The following ZNF540 variants were observed in gnomAD, a reference collection of about 807,000 sequenced individuals.
The protein encoded by ZNF540 is zinc finger protein 540.
Under a neutral mutation model 11.8 loss-of-function variants are expected in ZNF540, and 3 were observed. That is an observed-to-expected ratio of 0.25 (90% confidence interval 0.12 to 0.65). ZNF540 has a LOEUF of 0.65. ZNF540 is among the 30% of genes least tolerant of loss of function. The pLI is 0.83. For missense variants in ZNF540, 709 were observed against 793.1 expected (o/e 0.89, Z 1.27); for synonymous variants, 247 against 259.0 (o/e 0.95, Z 0.45).
At position 37,568,887 on chromosome 19, in the gene ZNF540, A is replaced by G. The variant is rs1220567572; in HGVS notation, c.-73+17222A>G. Among the ~76,000 whole-genome samples the G allele has an allele frequency of 2.6e-5, 4 of 151,980 alleles. No individual in the cohort carries two copies. In the East Asian group the frequency reaches 7.7e-4, roughly 29 times the overall value. ...TTGCCCCCATCAAGTCCTACTGAAT[A>G]TATCTCCTAAGTAGCTCTCGAATCT... On this transcript the variant is annotated intron_variant, in intron 1 of 4. Transcript: ENST00000592533.
At chr19:37,565,274 T>C (rs979569706) in intron 1 of ZNF540, 1 of 1,611,120 alleles carries the variant, frequency 6.2e-7, no homozygotes, top group African/African-American at 1.3e-5. Flanking sequence ...CTCACCTGAA[T>C]GAACTCTCAG....
chr19:37,580,620 G>A (rs1408253429), intron 1 of ZNF540, among the ~76,000 whole-genome samples: 3 of 152,158 alleles, frequency 2.0e-5, no homozygotes, highest in African/African-American at 7.2e-5. Context: ...CATGGGGGCT[G>A]GTCCCCGAGA....
chr19:37,604,617 T>C (rs1449447963), intron 4 of ZNF540, among the ~76,000 whole-genome samples: 2 of 151,940 alleles, frequency 1.3e-5, no homozygotes, highest in Non-Finnish European at 2.9e-5. Flanking sequence ...AGCCTTACTA[T>C]TTTTTTTCAA....
Position 37,612,430 on chromosome 19 carries a change from G to A in ZNF540, c.1150G>A (p.Glu384Lys), listed in dbSNP as rs2147236076. ...AACTCATGCAGGTAAGAAACCTTAT[G>A]AATGTAAGGAGTGTGGGAAATCATT... ...RRTHAGKKPY[E>K]CKECGKSFNV... The change falls in exon 5 of 5, where the codon GAA becomes AAA. Residue 384 changes from glutamate (E) to lysine (K), a missense_variant. Physicochemically the swap from Glu to Lys is moderately conservative, Grantham distance 56 (BLOSUM62 1). Coordinates refer to ENST00000316433, the MANE Select transcript of ZNF540 (RefSeq NM_001172225.3). 1.9e-6 allele frequency: 3 copies of A among 1,614,036 alleles called. No homozygotes were observed. The highest frequency in any genetic ancestry group is 2.2e-5 in the East Asian group (1 of 44,862).
intron 1 of ZNF540, chr19:37,586,699 T>C (rs2043686166): frequency 6.2e-7 from 1 of 1,613,972 alleles, no homozygotes; most frequent in South Asian, 1.1e-5. Context: ...CTGATCAATT[T>C]TCTGGGTTCT....
intron 1 of ZNF540, among the ~76,000 whole-genome samples, chr19:37,577,155 CAG>C (rs1407640166): frequency 6.6e-6 from 1 of 152,064 alleles, no homozygotes; most frequent in African/African-American, 2.4e-5. Context: ...AAATTAAGAA[CAG>C]AGAGCTTAAT....
chr19:37,581,122 A>AC (rs2043442446), intron 1 of ZNF540, among the ~76,000 whole-genome samples: 1 of 152,124 alleles, frequency 6.6e-6, no homozygotes, highest in Admixed American at 6.5e-5. Context: ...AAAACGTGAG[A>AC]CCCCCTTGGG....
chr19:37,566,184 G>A, intron 1 of ZNF540: 1 of 1,613,962 alleles, frequency 6.2e-7, no homozygotes, highest in South Asian at 1.1e-5. Flanking sequence ...CCATTGTATT[G>A]AAGGTGATGG....
chr19:37,612,457 A>C lies in ZNF540; in HGVS notation c.1177A>C (p.Asn393His). 6.2e-7 allele frequency: 1 copy of C among 1,614,186 alleles called. No individual in the cohort carries two copies. Among genetic ancestry groups the C allele is most frequent in the African/African-American group, 1.3e-5 (1 of 75,046 alleles). ...YECKECGKSFNVRGQLNRHKT... is the reference protein window; with the variant it reads ...YECKECGKSFHVRGQLNRHKT... ...ATGTAAGGAGTGTGGGAAATCATTT[A>C]ATGTGCGTGGACAGCTTAATCGGCA... Residue 393 changes from asparagine (N) to histidine (H), a missense_variant, in exon 5 of 5, where the codon AAT (asparagine) becomes CAT (histidine). Physicochemically the swap from Asn to His is moderately conservative, Grantham distance 68. Coordinates refer to ENST00000316433, the MANE Select transcript of ZNF540 (RefSeq NM_001172225.3).
intron 1 of ZNF540, chr19:37,565,420 T>C (rs1301070942): frequency 1.2e-6 from 2 of 1,613,268 alleles, no homozygotes; most frequent in Non-Finnish European, 1.7e-6. Flanking sequence ...ATTCTTTACA[T>C]ATGTAAGGCT....
At chr19:37,561,048 C>CAAAAAAAAAAAAAAAAAAAAAAAAAAAAA (rs199892724) in intron 1 of ZNF540, among the ~76,000 whole-genome samples, 1 of 73,784 alleles carries the variant, frequency 1.4e-5, no homozygotes, top group African/African-American at 4.6e-5. Flanking sequence ...CCTGTCTCTA[C>CAAAAAAAAAAAAAAAAAAAAAAAAAAAAA]AAAAAAAAAA....
intron 4 of ZNF540, among the ~76,000 whole-genome samples, chr19:37,602,610 G>A (rs1364383007): frequency 1.3e-5 from 2 of 152,170 alleles, no homozygotes; most frequent in African/African-American, 4.8e-5. Flanking sequence ...AATGAAGGGA[G>A]CCAGAGGAGA....
intron 1 of ZNF540, among the ~76,000 whole-genome samples, chr19:37,596,168 G>A (rs1242358746): frequency 6.6e-6 from 1 of 152,160 alleles, no homozygotes; most frequent in African/African-American, 2.4e-5. Context: ...ATCACCTCGA[G>A]GATCTGTTGT....
chr19:37,553,115 T>C (rs993265741), intron 1 of ZNF540, among the ~76,000 whole-genome samples: 1 of 8,168 alleles, frequency 1.2e-4, no homozygotes, highest in Non-Finnish European at 2.5e-4. Flanking sequence ...CCTAACATCT[T>C]TTTTTTTTTT....
intron 1 of ZNF540, among the ~76,000 whole-genome samples, chr19:37,558,208 C>T (rs986401468): frequency 1.3e-5 from 2 of 152,206 alleles, no homozygotes; most frequent in Admixed American, 6.5e-5. Context: ...GCTTTATCAG[C>T]AGCCTTTTCA....
At chr19:37,557,006 A>G (rs2147137981) in intron 1 of ZNF540, among the ~76,000 whole-genome samples, 1 of 152,342 alleles carries the variant, frequency 6.6e-6, no homozygotes, top group South Asian at 2.1e-4. Context: ...GTCCATTATC[A>G]GACCCTATGG....
chr19:37,552,815 C>T (rs965436493), intron 1 of ZNF540, among the ~76,000 whole-genome samples: 22 of 151,870 alleles, frequency 1.4e-4, no homozygotes, highest in African/African-American at 4.8e-4. Context: ...AGTGTGGTGG[C>T]GTGCGCCTGT....
rs749212111 is a variant in ZNF540, at chr19:37,612,315, T to C, written c.1035T>C (p.His345=). 6.2e-7 allele frequency: 1 copy of C among 1,614,058 alleles called. No homozygotes were observed. Among genetic ancestry groups the C allele is most frequent in the East Asian group, 2.2e-5 (1 of 44,868 alleles). The change falls in exon 5 of 5, where the codon CAT becomes CAC. Residue 345 remains histidine (H), a synonymous_variant. Transcript: ENST00000316433. ...GTGTATGCGGACAACTTACCCGTCA[T>C]CAGAAAATTCATACTGGTGTAAAAC... The part of the protein sequence containing the change: ...AFSVCGQLTR[H]QKIHTGVKPY...
intron 4 of ZNF540, among the ~76,000 whole-genome samples, chr19:37,604,827 CAA>C (rs2147230195): frequency 6.6e-6 from 1 of 152,296 alleles, no homozygotes; most frequent in African/African-American, 2.4e-5. Context: ...CCGTGACAGG[CAA>C]CTAAGTTGCC....
Sources: gnomAD v4.1 joint callset for allele counts (sites outside exome capture counted in the v4.1 genomes callset) on GRCh38, gnomAD v4.1.1 for gene constraint, MANE v1.5 for transcripts, NCBI Gene and HGNC (gene_info 2026-07-23, HGNC 2026-07-21) for gene names.